The following SIK2 variants were observed in gnomAD, a reference collection of about 807,000 sequenced individuals.
SIK2 encodes salt inducible kinase 2.
A neutral mutation model predicts 103.2 loss-of-function variants in SIK2; 29 were observed. The observed-to-expected ratio is 0.28, with a 90% CI of 0.21 to 0.38. The LOEUF (loss-of-function observed/expected upper bound fraction) is 0.38, where lower values mean the gene tolerates loss of function less well. Among genes scored for constraint, SIK2 ranks in the 10% least tolerant of loss-of-function variants. The probability of loss-of-function intolerance (pLI) is 1.00; values close to 1 mark genes in which losing one functional copy is unlikely to be tolerated. For missense variants in SIK2, 879 were observed against 1,171.0 expected, an observed-to-expected ratio of 0.75 and a Z score of 3.64; for synonymous variants, 412 against 446.1, an observed-to-expected ratio of 0.92 and a Z score of 0.96.
intron 3 of SIK2, among the ~76,000 whole-genome samples, chr11:111,629,351 A>G (rs1169596150): frequency 6.6e-6 from 1 of 152,180 alleles, no homozygotes; most frequent in Non-Finnish European, 1.5e-5. Flanking sequence ...GAACCAGGCA[A>G]TCCTAGAGCC....
chr11:111,635,113 G>A (rs1399847275), intron 3 of SIK2, among the ~76,000 whole-genome samples: 13 of 152,100 alleles, frequency 8.5e-5, no homozygotes, highest in Admixed American at 8.5e-4. Flanking sequence ...GAAAGAGCCA[G>A]CATGATTCAT....
At position 111,602,554 on chromosome 11, in the gene SIK2, G is replaced by T. The variant is rs1347223552; in HGVS notation, c.-10G>T. The T allele has an allele frequency of 4.0e-6, 6 of 1,505,094 alleles. No individual in the cohort carries two copies. Among genetic ancestry groups the T allele is most frequent in the Middle Eastern group, 2.2e-4 (1 of 4,472 alleles). 93.2% of individuals were successfully genotyped at this position (1,505,094 alleles called of 1,614,324 possible). A position where few individuals can be genotyped will look rare whatever the true frequency, so the allele number is the denominator to read the frequency against. ...GCTCCTGTCCGCCGTGTCTAGCAGC[G>T]GGGCCCAGCATGGTCATGGCGGATG... On this transcript the variant is annotated 5_prime_UTR_variant, in exon 1 of 15. Coordinates refer to ENST00000304987, the MANE Select transcript of SIK2 (RefSeq NM_015191.3). The surrounding 1 kb of genome is among the most constrained non-coding windows in gnomAD (Gnocchi z 4.5).
At chr11:111,671,016 C>A in intron 3 of SIK2, 1 of 162,532 alleles carries the variant, frequency 6.2e-6, no homozygotes, top group South Asian at 1.6e-4. Flanking sequence ...TGATCTTCTT[C>A]ACAATCAGGT....
Position 111,602,796 on chromosome 11 carries a change from C to G in SIK2, c.135+98C>G. Reference sequence around the variant, plus strand: ...CCGCAGTGGTGGGACCGGGGAGACCCGAGAGGCCGCCTCACTGGCGGAGGC... The same window carrying G: ...CCGCAGTGGTGGGACCGGGGAGACCGGAGAGGCCGCCTCACTGGCGGAGGC... On this transcript the variant is annotated intron_variant, in intron 1 of 14. Coordinates refer to ENST00000304987, the MANE Select transcript of SIK2 (RefSeq NM_015191.3). The surrounding 1 kb of genome is among the most constrained non-coding windows in gnomAD (Gnocchi z 4.5). 1 of 1,379,510 alleles carries G rather than the reference C, an allele frequency of 7.2e-7. No homozygotes were observed. Among genetic ancestry groups the G allele is most frequent in the Non-Finnish European group, 9.4e-7 (1 of 1,068,744 alleles). The allele number at this position is 1,379,510 out of a possible 1,614,324, so 85.5% of individuals were successfully genotyped here.
Position 111,701,349 on chromosome 11 carries a change from AT to A in SIK2, c.604-98del. ...GAGAAAATAATAAATCCAGACAGGAATTTTTCAGTCCATATGATTTCAAGAG... is the reference window on the plus strand; with the variant it reads ...GAGAAAATAATAAATCCAGACAGGAATTTTCAGTCCATATGATTTCAAGAG... On this transcript the variant is annotated intron_variant, in intron 5 of 14. Transcript: ENST00000304987. The surrounding 1 kb of genome is among the most constrained non-coding windows in gnomAD (Gnocchi z 4.2). 1.4e-6 allele frequency: 2 copies of A among 1,408,744 alleles called. No individual in the cohort carries two copies. Among genetic ancestry groups the A allele is most frequent in the Non-Finnish European group, 1.9e-6 (2 of 1,056,304 alleles). The allele number at this position is 1,408,744 out of a possible 1,614,324, so 87.3% of individuals were successfully genotyped here.
chr11:111,652,656 C>T (rs1341498633), intron 3 of SIK2, among the ~76,000 whole-genome samples: 1 of 152,074 alleles, frequency 6.6e-6, no homozygotes, highest in Non-Finnish European at 1.5e-5. Context: ...GTTAATAATG[C>T]TAAATACAAT....
intron 3 of SIK2, among the ~76,000 whole-genome samples, chr11:111,666,030 A>G (rs1448630594): frequency 1.3e-5 from 2 of 152,190 alleles, no homozygotes; most frequent in Non-Finnish European, 2.9e-5. Flanking sequence ...CTGCACTAGC[A>G]TGAAATGGAC....
intron 3 of SIK2, among the ~76,000 whole-genome samples, chr11:111,658,525 T>A (rs1942424868): frequency 6.6e-6 from 1 of 152,164 alleles, no homozygotes; most frequent in African/African-American, 2.4e-5. Flanking sequence ...GGCAAATCAC[T>A]TGAGCCTAGG....
chr11:111,656,563 A>G (rs1249746414), intron 3 of SIK2, among the ~76,000 whole-genome samples: 1 of 152,202 alleles, frequency 6.6e-6, no homozygotes, highest in Non-Finnish European at 1.5e-5. Context: ...GTTTTTAGAG[A>G]AACTCATTAA....
chr11:111,712,522 C>A (rs1943529090), intron 9 of SIK2, 147 bp downstream of exon 9: 1 of 808,962 alleles, frequency 1.2e-6, no homozygotes, highest in Admixed American at 2.9e-5. Context: ...AACCTTAGAA[C>A]AGTGTCCAGG....
intron 3 of SIK2, among the ~76,000 whole-genome samples, chr11:111,648,390 G>C (rs1270214671): frequency 6.6e-6 from 1 of 151,998 alleles, no homozygotes; most frequent in East Asian, 1.9e-4. Context: ...TTTCTCAGAT[G>C]GCACCTTCTC....
At position 111,705,089 on chromosome 11, in the gene SIK2, G is replaced by A; in HGVS notation, c.1051G>A (p.Asp351Asn). The A allele has an allele frequency of 6.2e-7, 1 of 1,605,578 alleles. No homozygotes were observed. The highest frequency in any genetic ancestry group is 8.5e-7 in the Non-Finnish European group (1 of 1,177,488). The change falls in exon 8 of 15, where the codon GAT (aspartate) becomes AAT (asparagine). Residue 351 changes from aspartate to asparagine, a missense_variant. By Grantham distance (23) the Asp-to-Asn change is conservative. Coordinates refer to ENST00000304987, the MANE Select transcript of SIK2 (RefSeq NM_015191.3). This position sits in a 1 kb window ranked among gnomAD's most constrained non-coding sequence, Gnocchi z 4.3. ...RSSFPVEQRLDGRQRRPSTIA... is the reference protein window; with the variant it reads ...RSSFPVEQRLNGRQRRPSTIA... ...CAGTTTCCCAGTGGAGCAGAGACTT[G>A]ATGGCCGCCAGCGTCGGCCTAGCAC...
chr11:111,610,656 A>G (rs963584165), intron 1 of SIK2, among the ~76,000 whole-genome samples: 1 of 152,114 alleles, frequency 6.6e-6, no homozygotes, highest in Non-Finnish European at 1.5e-5. Flanking sequence ...AAAATTTCAC[A>G]TTGTTAGAAA....
intron 3 of SIK2, among the ~76,000 whole-genome samples, chr11:111,662,990 TG>T (rs1942487447): frequency 6.6e-6 from 1 of 151,922 alleles, no homozygotes; most frequent in Admixed American, 6.6e-5. Flanking sequence ...CTCAACACTT[TG>T]GGAGGCTGAG....
intron 3 of SIK2, among the ~76,000 whole-genome samples, chr11:111,655,685 TG>T (rs1565335020): frequency 6.6e-6 from 1 of 152,150 alleles, no homozygotes; most frequent in East Asian, 1.9e-4. Flanking sequence ...GGAGGTCTCT[TG>T]TTATGGTCCT....
At chr11:111,702,344 G>GGAGGCT (rs1943231047) in intron 6 of SIK2, among the ~76,000 whole-genome samples, 1 of 152,142 alleles carries the variant, frequency 6.6e-6, no homozygotes, top group African/African-American at 2.4e-5. Context: ...CAGTGGTCTG[G>GGAGGCT]GAGGCTGAGG....
At chr11:111,666,500 TAGCC>T (rs1942544384) in intron 3 of SIK2, among the ~76,000 whole-genome samples, 1 of 152,244 alleles carries the variant, frequency 6.6e-6, no homozygotes, top group Non-Finnish European at 1.5e-5. Flanking sequence ...AGGCTGTTGC[TAGCC>T]ATAACAGACT....
At chr11:111,673,378 A>G (rs1215175812) in intron 3 of SIK2, among the ~76,000 whole-genome samples, 1 of 152,236 alleles carries the variant, frequency 6.6e-6, no homozygotes, top group African/African-American at 2.4e-5. Flanking sequence ...TTGGCACATT[A>G]CTGCTAGCTT....
chr11:111,614,921 C>A (rs1455482854), intron 1 of SIK2, among the ~76,000 whole-genome samples: 1 of 151,444 alleles, frequency 6.6e-6, no homozygotes, highest in East Asian at 1.9e-4. Flanking sequence ...GGCGGATCAC[C>A]TGAAGTGAGG....
Sources: gnomAD v4.1 joint callset for allele counts (sites outside exome capture counted in the v4.1 genomes callset) on GRCh38, gnomAD v4.1.1 for gene constraint, Gnocchi (gnomAD v3.1) non-coding constraint, MANE v1.5 for transcripts, NCBI Gene and HGNC (gene_info 2026-07-23, HGNC 2026-07-21) for gene names.